Variants in TSNARE1 observed in about 807,000 individuals in gnomAD.
TSNARE1 encodes the protein t-SNARE domain-containing protein 1.
Under a neutral mutation model 62.0 loss-of-function variants are expected in TSNARE1, and 49 were observed. The observed-to-expected ratio is 0.79, with a 90% CI of 0.63 to 1.00. The LOEUF (loss-of-function observed/expected upper bound fraction) is 1.00, where lower values mean the gene tolerates loss of function less well. Among genes scored for constraint, TSNARE1 ranks in the 50% least tolerant of loss-of-function variants. TSNARE1 has a pLI of 0.00. For missense variants in TSNARE1, 755 were observed against 700.1 expected (o/e 1.08, Z -0.88); for synonymous variants, 328 against 294.4 (o/e 1.11, Z -1.17).
intron 1 of TSNARE1, among the ~76,000 whole-genome samples, chr8:142,356,494 G>A (rs1318645717): frequency 1.3e-5 from 2 of 152,206 alleles, no homozygotes; most frequent in African/African-American, 2.4e-5. Flanking sequence ...AGGTCTCAAC[G>A]CAGCGAGCAG....
rs1000136570 is a variant in TSNARE1, at chr8:142,363,588, G to A, written c.-39-8825C>T. ...GAACACAAAAACACAACCTGAAGAC[G>A]GCGTTCCCAGGGAATCCTGAGCTGC... On this transcript the variant is annotated intron_variant, in intron 1 of 13. Transcript: ENST00000524325. Among the ~76,000 whole-genome samples the A allele has an allele frequency of 4.6e-5, 7 of 152,066 alleles. No individual in the cohort carries two copies. In the South Asian group the frequency reaches 6.2e-4, roughly 14 times the overall value.
intron 1 of TSNARE1, among the ~76,000 whole-genome samples, chr8:142,364,374 A>G (rs1835384831): frequency 6.6e-6 from 1 of 152,210 alleles, no homozygotes; most frequent in Admixed American, 6.5e-5. Flanking sequence ...ACAGAGAAAT[A>G]CAGATATAGA....
rs780723682 is a variant in TSNARE1 at position 142,271,081 on chromosome 8, C to T, written c.1446+3700G>A. Reference sequence around the variant, plus strand: ...CCTTTGGCTCTGCCAGCACCCCCGACCAGCCCTATATCTCCTCCTCCACCT... The same window carrying T: ...CCTTTGGCTCTGCCAGCACCCCCGATCAGCCCTATATCTCCTCCTCCACCT... On this transcript the variant is annotated intron_variant, in intron 12 of 13. Coordinates refer to ENST00000524325, the MANE Select transcript of TSNARE1 (RefSeq NM_145003.5). 1.2e-3 allele frequency: 1,145 copies of T among 986,110 alleles called. 3 individuals are homozygous for T. The highest frequency in any genetic ancestry group is 1.2e-3 in the Non-Finnish European group (1,019 of 830,410). The allele number at this position is 986,110 out of a possible 1,614,324, so 61.1% of individuals were successfully genotyped here.
At chr8:142,322,406 T>C (rs1829596131) in intron 6 of TSNARE1, among the ~76,000 whole-genome samples, 1 of 152,230 alleles carries the variant, frequency 6.6e-6, no homozygotes, top group Non-Finnish European at 1.5e-5. Flanking sequence ...CTCTTCATAC[T>C]ATAAGTTTAC....
At chr8:142,273,431 G>T in intron 12 of TSNARE1, 1 of 985,436 alleles carries the variant, frequency 1.0e-6, no homozygotes, top group Non-Finnish European at 1.2e-6. Flanking sequence ...GGGCCTAGCT[G>T]CCCTCAGCGA....
intron 2 of TSNARE1, among the ~76,000 whole-genome samples, chr8:142,348,433 G>A (rs1400504187): frequency 6.6e-6 from 1 of 152,142 alleles, no homozygotes; most frequent in African/African-American, 2.4e-5. Context: ...GAGTCCAAGA[G>A]GAAGCACGGC....
intron 6 of TSNARE1, among the ~76,000 whole-genome samples, chr8:142,323,776 G>T (rs1214270263): frequency 6.6e-6 from 1 of 152,204 alleles, no homozygotes; most frequent in Non-Finnish European, 1.5e-5. Flanking sequence ...TCACGAGGCA[G>T]TTGCCACAAC....
chr8:142,215,744 T>G (rs925601238), intron 13 of TSNARE1, among the ~76,000 whole-genome samples: 2 of 152,314 alleles, frequency 1.3e-5, no homozygotes, highest in East Asian at 3.9e-4. Flanking sequence ...AGAGGCCAGC[T>G]GGCAGTGGCA....
At chr8:142,320,967 G>T (rs1829401921) in intron 6 of TSNARE1, among the ~76,000 whole-genome samples, 1 of 152,202 alleles carries the variant, frequency 6.6e-6, no homozygotes, top group Non-Finnish European at 1.5e-5. Context: ...TTCCAGGCAG[G>T]ATCTCGTCTC....
At chr8:142,251,207 A>G (rs942360442) in intron 12 of TSNARE1, among the ~76,000 whole-genome samples, 1 of 151,696 alleles carries the variant, frequency 6.6e-6, no homozygotes, top group Non-Finnish European at 1.5e-5. Flanking sequence ...GCCTTCCACC[A>G]GATTCCCAGT....
At chr8:142,251,229 G>C (rs979440384) in intron 12 of TSNARE1, among the ~76,000 whole-genome samples, 2 of 144,704 alleles carry the variant, frequency 1.4e-5, no homozygotes, top group Non-Finnish European at 3.1e-5. Flanking sequence ...TCCAGACCCC[G>C]GCCCCCCTGC....
intron 1 of TSNARE1, among the ~76,000 whole-genome samples, chr8:142,356,076 C>T (rs1834707477): frequency 6.6e-6 from 1 of 152,234 alleles, no homozygotes. Flanking sequence ...ACTGTGAACA[C>T]AGATAACATC....
chr8:142,275,515 G>A (rs76443689), intron 11 of TSNARE1: 16 of 985,400 alleles, frequency 1.6e-5, no homozygotes, highest in South Asian at 4.7e-5. Flanking sequence ...CCAGGGATCC[G>A]GAAGATTCCA....
chr8:142,256,572 CCAT>C (rs200047879), intron 12 of TSNARE1, among the ~76,000 whole-genome samples: 38 of 126,410 alleles, frequency 3.0e-4, no homozygotes, highest in East Asian at 2.4e-3. Flanking sequence ...ATCACCATCA[CCAT>C]CATCACCACC....
At chr8:142,271,615 A>G (rs1418084701) in intron 12 of TSNARE1, 4 of 1,429,106 alleles carry the variant, frequency 2.8e-6, no homozygotes, top group Admixed American at 5.5e-5. Flanking sequence ...CCAGGGGGTC[A>G]GGTTCAGGCA....
At chr8:142,255,950 T>C (rs868455298) in intron 12 of TSNARE1, among the ~76,000 whole-genome samples, 16 of 23,570 alleles carry the variant, frequency 6.8e-4, no homozygotes, top group African/African-American at 8.4e-4. Context: ...ACCACCATCA[T>C]CACCATCACC....
At chr8:142,250,009 C>T (rs1261092255) in intron 12 of TSNARE1, among the ~76,000 whole-genome samples, 1 of 152,122 alleles carries the variant, frequency 6.6e-6, no homozygotes, top group Non-Finnish European at 1.5e-5. Flanking sequence ...CGAGCTCTGC[C>T]GCAAACCTGC....
chr8:142,232,715 C>G (rs1405889105), intron 12 of TSNARE1, among the ~76,000 whole-genome samples: 1 of 152,234 alleles, frequency 6.6e-6, no homozygotes, highest in African/African-American at 2.4e-5. Flanking sequence ...CGTATCTGGA[C>G]ACCGACTTCA....
At chr8:142,287,942 T>G (rs1216385195) in intron 10 of TSNARE1, among the ~76,000 whole-genome samples, 1 of 152,198 alleles carries the variant, frequency 6.6e-6, no homozygotes, top group Non-Finnish European at 1.5e-5. Context: ...CGGTCAGATC[T>G]CGGGGATCGT....
Sources: gnomAD v4.1 joint callset for allele counts (sites outside exome capture counted in the v4.1 genomes callset) on GRCh38, gnomAD v4.1.1 for gene constraint, MANE v1.5 for transcripts, NCBI Gene and HGNC (gene_info 2026-07-23, HGNC 2026-07-21) for gene names.